The following MBTPS1 variants were observed in gnomAD, a reference collection of about 807,000 sequenced individuals.
MBTPS1 encodes membrane bound transcription factor peptidase, site 1, also known as membrane-bound transcription factor site-1 protease.
Under a neutral mutation model 127.8 loss-of-function variants are expected in MBTPS1, and 94 were observed. The ratio of observed to expected loss-of-function variants is 0.74; its 90% CI spans 0.62 to 0.87. The LOEUF is 0.87. Among genes scored for constraint, MBTPS1 ranks in the 40% least tolerant of loss-of-function variants. The pLI, the probability that MBTPS1 is intolerant of heterozygous loss-of-function variation, is 0.00. For missense variants in MBTPS1, 1,636 were observed against 1,353.2 expected (o/e 1.21, Z -3.28); for synonymous variants, 632 against 509.4 (o/e 1.24, Z -3.24).
rs149021936 is a variant in MBTPS1, at chr16:84,081,854, G to T, written c.1341C>A (p.Ile447=). ...VNPASMKQAL[I]ASARRLPGVN... Reference sequence around the variant, plus strand: ...CCCCGGGGAGCCTCCGGGCTGACGCGATCAGGGCCTGCTTCATACTGGCGG... The same window carrying T: ...CCCCGGGGAGCCTCCGGGCTGACGCTATCAGGGCCTGCTTCATACTGGCGG... The change falls in exon 11 of 23, where the codon ATC becomes ATA. Residue 447 remains isoleucine (I), a synonymous_variant. Coordinates refer to ENST00000343411, the MANE Select transcript of MBTPS1 (RefSeq NM_003791.4). 1 of 1,520,554 alleles carries T rather than the reference G, an allele frequency of 6.6e-7. No homozygotes were observed. Among genetic ancestry groups the T allele is most frequent in the Non-Finnish European group, 8.8e-7 (1 of 1,132,864 alleles). 94.2% of individuals were successfully genotyped at this position (1,520,554 alleles called of 1,614,324 possible). A position where few individuals can be genotyped will look rare whatever the true frequency, so the allele number is the denominator to read the frequency against.
chr16:84,086,837 C>T (rs2086035317), intron 9 of MBTPS1, among the ~76,000 whole-genome samples: 1 of 152,170 alleles, frequency 6.6e-6, no homozygotes, highest in African/African-American at 2.4e-5. Flanking sequence ...GAATGTGCTG[C>T]ATAATTAAAC....
Position 84,065,762 on chromosome 16 carries a change from A to C in MBTPS1, c.2359T>G (p.Tyr787Asp). ...EFTLANHDMY[Y>D]ASGCSIAKFP... The stretch of plus-strand genomic sequence containing the variant: ...TTCGCGATGCTGCACCCTGACGCAT[A>C]ATACACTAGGAAAGAGTGTTCAAAG... The change falls in exon 18 of 23, where the codon TAT (tyrosine) becomes GAT (aspartate). Residue 787 changes from tyrosine (Y) to aspartate (D), a missense_variant. Transcript: ENST00000343411. The C allele has an allele frequency of 6.3e-7, 1 of 1,596,386 alleles. No individual in the cohort carries two copies. The highest frequency in any genetic ancestry group is 8.5e-7 in the Non-Finnish European group (1 of 1,172,794).
intron 10 of MBTPS1, among the ~76,000 whole-genome samples, chr16:84,083,343 C>G (rs963392482): frequency 6.6e-6 from 1 of 152,196 alleles, no homozygotes; most frequent in African/African-American, 2.4e-5. Flanking sequence ...GTGTTTCCAG[C>G]AAGCACATGG....
chr16:84,085,581 C>A (rs1480393885), intron 9 of MBTPS1, among the ~76,000 whole-genome samples: 2 of 108,550 alleles, frequency 1.8e-5, no homozygotes, highest in Non-Finnish European at 1.9e-5. Flanking sequence ...GCCCCCCCCC[C>A]AAAAAAAAAG....
intron 5 of MBTPS1, 54 bp from the exon 6 acceptor site, chr16:84,093,351 G>T: frequency 1.7e-6 from 2 of 1,193,562 alleles, no homozygotes; most frequent in African/African-American, 1.5e-5. Context: ...GCAAGTGCCA[G>T]GACGCAACAT....
chr16:84,074,351 C>A (rs2085819288), intron 12 of MBTPS1, among the ~76,000 whole-genome samples: 1 of 152,102 alleles, frequency 6.6e-6, no homozygotes. Flanking sequence ...CCTCCCACGT[C>A]AGCCTCCTGT....
At chr16:84,069,670 T>C (rs2085741713) in intron 14 of MBTPS1, among the ~76,000 whole-genome samples, 196 bp downstream of exon 14, 1 of 152,252 alleles carries the variant, frequency 6.6e-6, no homozygotes, top group African/African-American at 2.4e-5. Context: ...TTTTACTGCA[T>C]AATCATACTT....
At chr16:84,115,837 G>C (rs960858351) in intron 1 of MBTPS1, among the ~76,000 whole-genome samples, 2 of 151,894 alleles carry the variant, frequency 1.3e-5, no homozygotes, top group Admixed American at 6.6e-5. Context: ...AAAAACCACT[G>C]AATAGTACAC....
chr16:84,073,733 G>A (rs942261769), intron 12 of MBTPS1, among the ~76,000 whole-genome samples: 11 of 152,146 alleles, frequency 7.2e-5, no homozygotes, highest in Admixed American at 5.2e-4. Context: ...TGGCTGGTGC[G>A]GTGGCTCACA....
At chr16:84,095,831 G>A (rs369147016) in intron 3 of MBTPS1, 26 bp from the exon 4 acceptor site, 9 of 1,595,268 alleles carry the variant, frequency 5.6e-6, no homozygotes, top group South Asian at 1.1e-5. Flanking sequence ...AGAAAGATCA[G>A]AACAGAAGAG....
At position 84,091,048 on chromosome 16, in the gene MBTPS1, A is replaced by G. The variant is rs367767031; in HGVS notation, c.964-106T>C. On this transcript the variant is annotated intron_variant, in intron 7 of 22. Coordinates refer to ENST00000343411, the MANE Select transcript of MBTPS1 (RefSeq NM_003791.4). ...CAACGTCTAAAAACAGTTCTAAAAA[A>G]GCAGCACTGGCCCATTATAAAGGCG... 368 of 866,296 alleles carry G rather than the reference A, an allele frequency of 4.2e-4. 3 individuals are homozygous for G. In the East Asian group the frequency reaches 7.7e-3, roughly 18 times the overall value. The allele number at this position is 866,296 out of a possible 1,614,324, so 53.7% of individuals were successfully genotyped here.
chr16:84,112,426 G>A (rs757275904), intron 1 of MBTPS1, among the ~76,000 whole-genome samples: 4 of 152,018 alleles, frequency 2.6e-5, no homozygotes, highest in African/African-American at 4.8e-5. Flanking sequence ...TTGGGAGGCC[G>A]AGGCAGGCGG....
chr16:84,081,302 G>A (rs1168841022), intron 11 of MBTPS1, among the ~76,000 whole-genome samples: 3 of 152,246 alleles, frequency 2.0e-5, no homozygotes, highest in Non-Finnish European at 4.4e-5. Context: ...AGGAGCTGGC[G>A]AGATGTATGT....
intron 10 of MBTPS1, among the ~76,000 whole-genome samples, chr16:84,084,179 GAACT>G (rs2085984700): frequency 6.6e-6 from 1 of 152,094 alleles, no homozygotes; most frequent in Non-Finnish European, 1.5e-5. Flanking sequence ...GGCTGGTCTT[GAACT>G]CCTGACCTCA....
intron 19 of MBTPS1, chr16:84,061,226 C>T (rs182253264): frequency 6.1e-6 from 1 of 163,230 alleles, no homozygotes; most frequent in East Asian, 1.7e-4. Flanking sequence ...CAAAGTAAAT[C>T]CAACATGTTC....
Position 84,099,231 on chromosome 16 carries a change from T to C in MBTPS1, c.243A>G (p.Glu81=), listed in dbSNP as rs772609032. 6.2e-7 allele frequency: 1 copy of C among 1,614,156 alleles called. No individual in the cohort carries two copies. Among genetic ancestry groups the C allele is most frequent in the East Asian group, 2.2e-5 (1 of 44,894 alleles). ...SFISSALKSS[E]VDNWRIIPRN... is the part of the protein sequence containing the mutation. Reference sequence around the variant, plus strand: ...GAGGTATAATTCTCCAATTGTCTACTTCACTGCTCTTCAGGGCACTTGAAA... The same window carrying C: ...GAGGTATAATTCTCCAATTGTCTACCTCACTGCTCTTCAGGGCACTTGAAA... The change falls in exon 3 of 23, where the codon GAA becomes GAG. Residue 81 remains glutamate (E), a synonymous_variant. Transcript: ENST00000343411.
chr16:84,114,405 T>C (rs1239665589), intron 1 of MBTPS1, among the ~76,000 whole-genome samples: 1 of 152,224 alleles, frequency 6.6e-6, no homozygotes, highest in Non-Finnish European at 1.5e-5. Context: ...CCTTGGTCTG[T>C]GGTGTCTTCA....
At chr16:84,081,939 C>A (rs775764535) in intron 10 of MBTPS1, 31 bp from the exon 11 acceptor site, 3 of 1,345,566 alleles carry the variant, frequency 2.2e-6, no homozygotes, top group Admixed American at 3.0e-5. Flanking sequence ...TGCCTATTTT[C>A]TCTCAGTAAA....
rs1434772992 is a variant in MBTPS1 at position 84,054,112 on chromosome 16, G to C, written c.*337C>G. The C allele has an allele frequency of 5.0e-6, 1 of 201,662 alleles. No homozygotes were observed. Among genetic ancestry groups the C allele is most frequent in the African/African-American group, 2.3e-5 (1 of 43,426 alleles). 12.5% of individuals were successfully genotyped at this position (201,662 alleles called of 1,614,324 possible). A position where few individuals can be genotyped will look rare whatever the true frequency, so the allele number is the denominator to read the frequency against. ...AGCGTCTTTTAGCTTGGTCAGGGTT[G>C]TATCATTTGTTTGGAAAGTACATCC... On this transcript the variant is annotated 3_prime_UTR_variant, in exon 23 of 23. Coordinates refer to ENST00000343411, the MANE Select transcript of MBTPS1 (RefSeq NM_003791.4).
Sources: allele counts gnomAD v4.1 joint callset (sites outside exome capture counted in the v4.1 genomes callset), GRCh38; gene constraint gnomAD v4.1.1; transcripts MANE v1.5; gene names NCBI Gene and HGNC (gene_info 2026-07-23, HGNC 2026-07-21).